Variants in NFIA observed in about 807,000 individuals in gnomAD.
NFIA encodes nuclear factor I A.
A neutral mutation model predicts 62.8 loss-of-function variants in NFIA; 8 were observed. The ratio of observed to expected loss-of-function variants is 0.13; its 90% CI spans 0.07 to 0.23. The LOEUF (loss-of-function observed/expected upper bound fraction) is 0.23, where lower values mean the gene tolerates loss of function less well. NFIA is among the 10% of genes least tolerant of loss of function. NFIA has a pLI of 1.00. For missense variants in NFIA, 410 were observed against 642.1 expected (o/e 0.64, Z 3.91); for synonymous variants, 235 against 238.1 (o/e 0.99, Z 0.12).
At chr1:61,445,641 G>GATAACAC (rs1421654995) in intron 10 of NFIA, among the ~76,000 whole-genome samples, 1 of 152,174 alleles carries the variant, frequency 6.6e-6, no homozygotes, top group Non-Finnish European at 1.5e-5. Flanking sequence ...GGGCTTTCAG[G>GATAACAC]ATAACACAGA....
intron 2 of NFIA, among the ~76,000 whole-genome samples, chr1:61,273,428 A>G (rs944072698): frequency 1.3e-5 from 2 of 152,118 alleles, no homozygotes; most frequent in South Asian, 4.1e-4. Flanking sequence ...GATATGCCCT[A>G]TATTCCCTTG....
chr1:61,347,569 C>T (rs1370527050), intron 4 of NFIA, among the ~76,000 whole-genome samples: 3 of 152,132 alleles, frequency 2.0e-5, no homozygotes, highest in Non-Finnish European at 2.9e-5. Context: ...GAACTATCCT[C>T]GAAGGCTCAG....
intron 2 of NFIA, among the ~76,000 whole-genome samples, chr1:61,214,137 G>T (rs908234928): frequency 1.3e-5 from 2 of 152,176 alleles, no homozygotes; most frequent in African/African-American, 4.8e-5. Flanking sequence ...ACTACGCCTA[G>T]GCCTGAGTGG....
chr1:61,415,894 A>C (rs572074769), intron 9 of NFIA, among the ~76,000 whole-genome samples: 24 of 152,288 alleles, frequency 1.6e-4, no homozygotes, highest in Middle Eastern at 3.4e-3. Context: ...TATTGATTGC[A>C]ACATTGATTA....
At chr1:61,394,151 T>C (rs184449868) in intron 7 of NFIA, among the ~76,000 whole-genome samples, 1 of 152,288 alleles carries the variant, frequency 6.6e-6, no homozygotes, top group Admixed American at 6.5e-5. Flanking sequence ...GAAAAGCCTT[T>C]CAAATTGCGC....
At chr1:61,336,908 C>T (rs1176759676) in intron 4 of NFIA, among the ~76,000 whole-genome samples, 1 of 152,144 alleles carries the variant, frequency 6.6e-6, no homozygotes, top group African/African-American at 2.4e-5. Context: ...TGAGATTTTT[C>T]TCCCTTTCTG....
chr1:61,106,151 CAT>C (rs942153921), intron 2 of NFIA, among the ~76,000 whole-genome samples: 1 of 142,020 alleles, frequency 7.0e-6, no homozygotes. Flanking sequence ...CTGATTTATT[CAT>C]ATATATATTT....
At chr1:61,104,577 A>G (rs1646563945) in intron 2 of NFIA, among the ~76,000 whole-genome samples, 2 of 151,998 alleles carry the variant, frequency 1.3e-5, no homozygotes, top group Non-Finnish European at 2.9e-5. Context: ...ACTGAAGATA[A>G]GAGTTTCTTC....
At position 61,088,253 on chromosome 1, in the gene NFIA, T is replaced by A; in HGVS notation, c.132T>A (p.His44Gln). 6.2e-7 allele frequency: 1 copy of A among 1,613,328 alleles called. No homozygotes were observed. The highest frequency in any genetic ancestry group is 1.1e-5 in the South Asian group (1 of 91,028). ...QARKRKYFKK[H>Q]EKRMSKEEER... ...GAAAACGAAAATACTTCAAAAAACA[T>A]GAAAAGCGTATGTCAAAAGAAGAAG... The change falls in exon 2 of 11, where the codon CAT becomes CAA. Residue 44 changes from histidine (H) to glutamine (Q), a missense_variant. Transcript: ENST00000403491. This position sits in a 1 kb window ranked among gnomAD's most constrained non-coding sequence, Gnocchi z 4.5.
chr1:61,101,140 A>G (rs576760598), intron 2 of NFIA, among the ~76,000 whole-genome samples: 80 of 152,226 alleles, frequency 5.3e-4, no homozygotes, highest in African/African-American at 1.8e-3. Flanking sequence ...TCATGCCTGT[A>G]ATCCCGGCAC....
chr1:61,383,324 C>G lies in NFIA; in HGVS notation c.1034C>G (p.Ala345Gly), dbSNP rs780521254. 2 of 1,613,856 alleles carry G rather than the reference C, an allele frequency of 1.2e-6. No homozygotes were observed. Among genetic ancestry groups the G allele is most frequent in the Admixed American group, 3.3e-5 (2 of 59,984 alleles). Reference sequence around the variant, plus strand: ...TCACAGACCTCCTCCCTGGGAACGGCGTTCACACAGCATCACCGACCTGTC... The same window carrying G: ...TCACAGACCTCCTCCCTGGGAACGGGGTTCACACAGCATCACCGACCTGTC... Reference protein sequence around the residue: ...SPSQTSSLGTAFTQHHRPVIT... With the variant: ...SPSQTSSLGTGFTQHHRPVIT... The change falls in exon 7 of 11, where the codon GCG (alanine) becomes GGG (glycine). Residue 345 changes from alanine (A) to glycine (G), a missense_variant. Around this residue, in one of 3 missense-constraint regions of NFIA, gnomAD observed 298 missense variants for 438.1 expected, o/e 0.68. Coordinates refer to ENST00000403491, the MANE Select transcript of NFIA (RefSeq NM_001134673.4).
At chr1:61,425,695 C>T (rs540112096) in intron 9 of NFIA, among the ~76,000 whole-genome samples, 4 of 152,110 alleles carry the variant, frequency 2.6e-5, no homozygotes, top group Non-Finnish European at 5.9e-5. Context: ...TAGAAAGAAG[C>T]TCTTAAGTAC....
intron 2 of NFIA, among the ~76,000 whole-genome samples, chr1:61,143,510 C>T (rs999890957): frequency 1.3e-5 from 2 of 152,108 alleles, no homozygotes; most frequent in African/African-American, 2.4e-5. Context: ...CCACCTCAGC[C>T]TCCCAGGTAA....
intron 3 of NFIA, among the ~76,000 whole-genome samples, chr1:61,278,921 A>G (rs1465948115): frequency 6.6e-6 from 1 of 152,216 alleles, no homozygotes; most frequent in Admixed American, 6.5e-5. Context: ...AAAACAGGGT[A>G]ATAATATTAC....
chr1:61,452,929 G>A (rs937198260), intron 10 of NFIA, among the ~76,000 whole-genome samples: 2 of 151,820 alleles, frequency 1.3e-5, no homozygotes, highest in African/African-American at 4.8e-5. Flanking sequence ...AATGTCAATA[G>A]GGCAAAAAGA....
chr1:61,146,637 G>T (rs775882002), intron 2 of NFIA, among the ~76,000 whole-genome samples: 2 of 152,084 alleles, frequency 1.3e-5, no homozygotes, highest in Non-Finnish European at 2.9e-5. Context: ...TTGTGATTCT[G>T]TGTCACGCTC....
At chr1:61,441,753 G>C (rs769350051) in intron 10 of NFIA, among the ~76,000 whole-genome samples, 1 of 152,054 alleles carries the variant, frequency 6.6e-6, no homozygotes, top group South Asian at 2.1e-4. Flanking sequence ...CTGATATCTA[G>C]ATAGTGCTGA....
intron 3 of NFIA, among the ~76,000 whole-genome samples, chr1:61,294,615 A>T (rs1233147955): frequency 1.3e-5 from 2 of 152,276 alleles, no homozygotes; most frequent in Non-Finnish European, 2.9e-5. Context: ...CTTTAAAGGC[A>T]GACATTAAGT....
intron 2 of NFIA, among the ~76,000 whole-genome samples, chr1:61,144,568 T>C (rs1250312792): frequency 6.6e-6 from 1 of 152,186 alleles, no homozygotes; most frequent in Non-Finnish European, 1.5e-5. Context: ...AGATTCTTAC[T>C]TTGCCAAGCA....
Sources: allele counts gnomAD v4.1 joint callset (sites outside exome capture counted in the v4.1 genomes callset), GRCh38; gene constraint gnomAD v4.1.1; regional missense constraint gnomAD v4.1.1; non-coding constraint Gnocchi (gnomAD v3.1); transcripts MANE v1.5; gene names NCBI Gene and HGNC (gene_info 2026-07-23, HGNC 2026-07-21).